Variants in CPNE5 observed in about 807,000 individuals in gnomAD.
CPNE5 encodes copine-5.
Under a neutral mutation model 81.1 loss-of-function variants are expected in CPNE5, and 42 were observed. The observed-to-expected ratio is 0.52, with a 90% CI of 0.40 to 0.67. The LOEUF (loss-of-function observed/expected upper bound fraction) is 0.67, where lower values mean the gene tolerates loss of function less well. Among genes scored for constraint, CPNE5 ranks in the 30% least tolerant of loss-of-function variants. The pLI is 0.00. For synonymous variants in CPNE5, 313 were observed against 321.5 expected, an observed-to-expected ratio of 0.97 and a Z score of 0.28; for missense variants, 612 against 815.5, an observed-to-expected ratio of 0.75 and a Z score of 3.04.
intron 18 of CPNE5, chr6:36,744,586 C>T: frequency 3.7e-6 from 2 of 544,362 alleles, no homozygotes; most frequent in South Asian, 4.7e-5. Context: ...TGGTGAGTCA[C>T]CCCCATCCCC....
At chr6:36,747,279 A>C (rs1764287591) in intron 15 of CPNE5, among the ~76,000 whole-genome samples, 1 of 151,152 alleles carries the variant, frequency 6.6e-6, no homozygotes, top group African/African-American at 2.4e-5. Flanking sequence ...CTTCGCTGCC[A>C]ATATAGTCTG....
At chr6:36,777,218 C>G (rs1246656909) in intron 9 of CPNE5, among the ~76,000 whole-genome samples, 1 of 152,092 alleles carries the variant, frequency 6.6e-6, no homozygotes, top group Non-Finnish European at 1.5e-5. Context: ...CGAGTGAGGT[C>G]CCCTCATTGT....
chr6:36,826,737 C>T (rs934394896), intron 1 of CPNE5, among the ~76,000 whole-genome samples: 1 of 152,190 alleles, frequency 6.6e-6, no homozygotes, highest in African/African-American at 2.4e-5. Flanking sequence ...GAGCGAAGCC[C>T]GTATCTCCCC....
intron 3 of CPNE5, among the ~76,000 whole-genome samples, chr6:36,803,803 A>C (rs1013777826): frequency 6.6e-6 from 1 of 152,192 alleles, no homozygotes; most frequent in Non-Finnish European, 1.5e-5. Flanking sequence ...TATATGCTTT[A>C]ACAGGTGTTT....
At chr6:36,792,641 G>A (rs865817348) in intron 7 of CPNE5, among the ~76,000 whole-genome samples, 5 of 152,280 alleles carry the variant, frequency 3.3e-5, no homozygotes, top group African/African-American at 1.2e-4. Context: ...CTTGGCTGGG[G>A]TCTCCCTGGG....
intron 3 of CPNE5, among the ~76,000 whole-genome samples, chr6:36,806,196 G>A (rs988745431): frequency 6.6e-6 from 1 of 152,106 alleles, no homozygotes; most frequent in South Asian, 2.1e-4. Flanking sequence ...GGAGAGTCTC[G>A]GGCTGCTGCC....
chr6:36,818,210 A>T (rs1771730386), intron 3 of CPNE5, among the ~76,000 whole-genome samples: 1 of 152,172 alleles, frequency 6.6e-6, no homozygotes, highest in Non-Finnish European at 1.5e-5. Flanking sequence ...ATTCCATTTA[A>T]AAAAATCCAA....
chr6:36,752,114 C>G (rs2150379094), intron 14 of CPNE5, among the ~76,000 whole-genome samples: 1 of 152,206 alleles, frequency 6.6e-6, no homozygotes, highest in East Asian at 1.9e-4. Context: ...GTGTGGCTTC[C>G]CAGGACCTGA....
intron 14 of CPNE5, 87 bp downstream of exon 14, chr6:36,752,947 C>T (rs575500636): frequency 8.9e-7 from 1 of 1,120,700 alleles, no homozygotes; most frequent in South Asian, 1.3e-5. Context: ...TTGAAGAGGC[C>T]AGGGTGGGGC....
rs10586762 is a variant in CPNE5 at position 36,768,225 on chromosome 6, C to CTTTTTTTTTTTTTTTTTTTT, written c.738-2869_738-2850dup. 9.1e-4 allele frequency among the ~76,000 whole-genome samples: 55 copies of CTTTTTTTTTTTTTTTTTTTT among 60,506 alleles called. 2 individuals carry two copies. Among genetic ancestry groups the CTTTTTTTTTTTTTTTTTTTT allele is most frequent in the East Asian group, 1.7e-3 (3 of 1,720 alleles). The allele number at this position is 60,506 out of a possible 152,430, so 39.7% of individuals were successfully genotyped here. On this transcript the variant is annotated intron_variant, in intron 10 of 20. Coordinates refer to ENST00000244751, the MANE Select transcript of CPNE5 (RefSeq NM_020939.2). ...GGCTTTGACTACTCTATTCACAGTT[C>CTTTTTTTTTTTTTTTTTTTT]TTTTTTTTTTTTTTTTTTTTTTTTT...
intron 3 of CPNE5, among the ~76,000 whole-genome samples, chr6:36,805,168 A>C (rs1283667452): frequency 6.6e-6 from 1 of 152,232 alleles, no homozygotes; most frequent in African/African-American, 2.4e-5. Flanking sequence ...AGACTTATAG[A>C]GTTTTCAAGC....
intron 6 of CPNE5, among the ~76,000 whole-genome samples, chr6:36,796,695 G>T (rs538595833): frequency 5.3e-5 from 8 of 152,234 alleles, no homozygotes; most frequent in Middle Eastern, 3.4e-3. Context: ...TTTGCAAGAG[G>T]CCCTCAAATT....
chr6:36,776,617 TCCAAATACCAC>T (rs1282698593), intron 9 of CPNE5, among the ~76,000 whole-genome samples: 2 of 152,034 alleles, frequency 1.3e-5, no homozygotes, highest in Non-Finnish European at 2.9e-5. Context: ...CCTGCTAGGC[TCCAAATACCAC>T]CCCCCAACCG....
intron 8 of CPNE5, among the ~76,000 whole-genome samples, chr6:36,791,245 G>C (rs1769066286): frequency 6.6e-6 from 1 of 152,212 alleles, no homozygotes; most frequent in Non-Finnish European, 1.5e-5. Context: ...CTGGAGTAGA[G>C]TCATGGCTCT....
chr6:36,744,201 A>C, intron 19 of CPNE5, 67 bp downstream of exon 19: 3 of 1,287,936 alleles, frequency 2.3e-6, no homozygotes, highest in Non-Finnish European at 3.3e-6. Flanking sequence ...CTGGGGAAAC[A>C]TCTGGGGTGG....
At chr6:36,765,062 G>C (rs904930685) in intron 11 of CPNE5, among the ~76,000 whole-genome samples, 1 of 152,144 alleles carries the variant, frequency 6.6e-6, no homozygotes, top group East Asian at 1.9e-4. Context: ...CGGGCCCCTG[G>C]GCAGCTATTT....
chr6:36,775,425 C>T (rs752652593), intron 9 of CPNE5, among the ~76,000 whole-genome samples: 1 of 152,198 alleles, frequency 6.6e-6, no homozygotes, highest in African/African-American at 2.4e-5. Flanking sequence ...CAGGCAGTTA[C>T]CCTCTATCAA....
intron 12 of CPNE5, among the ~76,000 whole-genome samples, chr6:36,757,631 A>G (rs1765610291): frequency 6.6e-6 from 1 of 151,480 alleles, no homozygotes; most frequent in Admixed American, 6.6e-5. Context: ...TCTATCACCT[A>G]TGTTGGAGAG....
At chr6:36,773,472 A>G (rs796558937) in intron 10 of CPNE5, among the ~76,000 whole-genome samples, 3 of 152,272 alleles carry the variant, frequency 2.0e-5, no homozygotes, top group African/African-American at 7.2e-5. Flanking sequence ...TGGCATGTAA[A>G]CACCACTAGG....
Sources: allele counts gnomAD v4.1 joint callset (sites outside exome capture counted in the v4.1 genomes callset), GRCh38; gene constraint gnomAD v4.1.1; transcripts MANE v1.5; gene names NCBI Gene and HGNC (gene_info 2026-07-23, HGNC 2026-07-21).